ACADL: variants seen among roughly 807,000 people sequenced by gnomAD.
ACADL encodes long-chain specific acyl-CoA dehydrogenase, mitochondrial.
ACADL carries 60 observed loss-of-function variants against 56.9 expected under a neutral mutation model. The observed-to-expected ratio is 1.05, with a 90% CI of 0.86 to 1.31. ACADL has a LOEUF of 1.31. Among genes scored for constraint, ACADL ranks in the 50% most tolerant of loss-of-function variants. ACADL has a pLI of 0.00. For synonymous variants in ACADL, 158 were observed against 179.7 expected, an observed-to-expected ratio of 0.88 and a Z score of 0.97; for missense variants, 484 against 525.5, an observed-to-expected ratio of 0.92 and a Z score of 0.77.
chr2:210,222,908 C>T (rs1170428644), intron 1 of ACADL, among the ~76,000 whole-genome samples: 4 of 152,106 alleles, frequency 2.6e-5, no homozygotes, highest in Admixed American at 2.0e-4. Flanking sequence ...TTATAAAGCA[C>T]GTATTTGTCC....
Position 210,225,078 on chromosome 2 carries a change from T to A in ACADL, c.77+109A>T, listed in dbSNP as rs1463691914. On this transcript the variant is annotated intron_variant, in intron 1 of 10. Coordinates refer to ENST00000233710, the MANE Select transcript of ACADL (RefSeq NM_001608.4). ...GCCCGGCGCCGGAGTTGGGGAGCACTCCCAGCCGCGCGCGCACCGCCCTGC... is the reference window on the plus strand; with the variant it reads ...GCCCGGCGCCGGAGTTGGGGAGCACACCCAGCCGCGCGCGCACCGCCCTGC... 2.0e-6 allele frequency: 3 copies of A among 1,511,768 alleles called. No homozygotes were observed. The East Asian group carries it at 7.8e-5, about 39-fold the overall frequency. 93.6% of individuals were successfully genotyped at this position (1,511,768 alleles called of 1,614,324 possible). A position where few individuals can be genotyped will look rare whatever the true frequency, so the allele number is the denominator to read the frequency against.
In ACADL at chr2:210,217,980, A is replaced by G. The variant is rs1689114668; in HGVS notation, c.356T>C (p.Ile119Thr). The G allele has an allele frequency of 1.2e-6, 2 of 1,614,056 alleles. No individual in the cohort carries two copies. The highest frequency in any genetic ancestry group is 2.2e-5 in the South Asian group (2 of 91,074). The change falls in exon 3 of 11, where the codon ATT becomes ACT. Residue 119 changes from isoleucine to threonine, a missense_variant. Coordinates refer to ENST00000233710, the MANE Select transcript of ACADL (RefSeq NM_001608.4). Reference sequence around the variant, plus strand: ...CCATACTTACTGCTCCTCCCAGACAATAGCTGCGGAGTACAGATCCCCTCC... The same window carrying G: ...CCATACTTACTGCTCCTCCCAGACAGTAGCTGCGGAGTACAGATCCCCTCC... ...GIGGDLYSAA[I>T]VWEEQAYSNC...
rs1688855205 is a variant in ACADL at position 210,204,673 on chromosome 2, C to T, written c.778G>A (p.Glu260Lys). The change falls in exon 7 of 11, where the codon GAA becomes AAA. Residue 260 changes from glutamate (E) to lysine (K), a missense_variant. Physicochemically the swap from Glu to Lys is moderately conservative, Grantham distance 56 (BLOSUM62 1). Coordinates refer to ENST00000233710, the MANE Select transcript of ACADL (RefSeq NM_001608.4). ...KMGLKAQDTA[E>K]LFFEDIRLPA... ...AACCGTATATCTTCAAAGAATAGTT[C>T]TGCGGTATCCTAAGAGACCATACAA... 2 of 1,607,514 alleles carry T rather than the reference C, an allele frequency of 1.2e-6. No individual in the cohort carries two copies. Among genetic ancestry groups the T allele is most frequent in the African/African-American group, 2.7e-5 (2 of 74,866 alleles).
At chr2:210,222,308 G>A (rs1689187820) in intron 1 of ACADL, among the ~76,000 whole-genome samples, 1 of 152,032 alleles carries the variant, frequency 6.6e-6, no homozygotes, top group South Asian at 2.1e-4. Context: ...GAAAAGTAGA[G>A]AAGGGATCAG....
chr2:210,199,810 T>G (rs1422493866), intron 8 of ACADL, among the ~76,000 whole-genome samples: 1 of 152,076 alleles, frequency 6.6e-6, no homozygotes, highest in Non-Finnish European at 1.5e-5. Flanking sequence ...AATAGTGAGA[T>G]CTCAGCTCAC....
chr2:210,218,428 C>A, intron 2 of ACADL: 1 of 276,064 alleles, frequency 3.6e-6, no homozygotes, highest in Non-Finnish European at 6.9e-6. Flanking sequence ...CTTCAGGTAC[C>A]TGCCACAAGG....
At chr2:210,222,066 A>AT (rs540011112) in intron 1 of ACADL, among the ~76,000 whole-genome samples, 8 of 151,748 alleles carry the variant, frequency 5.3e-5, no homozygotes, top group Non-Finnish European at 7.4e-5. Flanking sequence ...CCTAAGTATC[A>AT]TTTTTTTTGT....
chr2:210,216,374 A>G lies in ACADL; in HGVS notation c.509T>C (p.Ile170Thr). 3.1e-6 allele frequency: 5 copies of G among 1,613,808 alleles called. No individual in the cohort carries two copies. The highest frequency in any genetic ancestry group is 2.2e-5 in the East Asian group (1 of 44,848). The part of the protein sequence containing the change: ...QMTAGKCIGA[I>T]AMTEPGAGSD... ...TCCAGCTCCAGGCTCTGTCATTGCT[A>G]TTGCACCAATACATTTGCCTGCAGT... Residue 170 changes from isoleucine to threonine, a missense_variant, in exon 4 of 11, where the codon ATA (isoleucine) becomes ACA (threonine). Physicochemically the swap from Ile to Thr is moderately conservative, Grantham distance 89. Transcript: ENST00000233710.
At chr2:210,215,202 C>T (rs1025909599) in intron 4 of ACADL, among the ~76,000 whole-genome samples, 5 of 152,146 alleles carry the variant, frequency 3.3e-5, no homozygotes, top group Admixed American at 3.3e-4. Flanking sequence ...ACCACTGCCC[C>T]CTCTCTACAT....
intron 1 of ACADL, among the ~76,000 whole-genome samples, chr2:210,223,352 GT>G (rs1293757515): frequency 1.3e-5 from 2 of 152,162 alleles, no homozygotes; most frequent in East Asian, 1.9e-4. Context: ...GGCTATTATT[GT>G]TTTTTTAAAG....
In ACADL at chr2:210,224,675, T is replaced by C. The variant is rs1185181958; in HGVS notation, c.77+512A>G. On this transcript the variant is annotated intron_variant, in intron 1 of 10. Coordinates refer to ENST00000233710, the MANE Select transcript of ACADL (RefSeq NM_001608.4). Reference sequence around the variant, plus strand: ...AGGTCATTTCTAGCCCAGTTTGTCCTGGACAATTCTGGTCCGCGCCGCAGC... The same window carrying C: ...AGGTCATTTCTAGCCCAGTTTGTCCCGGACAATTCTGGTCCGCGCCGCAGC... The C allele has an allele frequency of 3.0e-6, 3 of 986,102 alleles. No homozygotes were observed. The African/African-American group carries it at 5.2e-5, about 17-fold the overall frequency. 61.1% of individuals were successfully genotyped at this position (986,102 alleles called of 1,614,324 possible). A position where few individuals can be genotyped will look rare whatever the true frequency, so the allele number is the denominator to read the frequency against.
At chr2:210,196,056 T>C (rs560308466) in intron 8 of ACADL, among the ~76,000 whole-genome samples, 1 of 152,244 alleles carries the variant, frequency 6.6e-6, no homozygotes, top group East Asian at 1.9e-4. Flanking sequence ...TGGTGGGAGA[T>C]AATTGAATCA....
At chr2:210,212,723 T>C (rs1285545712) in intron 4 of ACADL, among the ~76,000 whole-genome samples, 2 of 152,262 alleles carry the variant, frequency 1.3e-5, no homozygotes, top group African/African-American at 2.4e-5. Flanking sequence ...CTCAAGTTTT[T>C]TGAGAACATG....
chr2:210,218,170 C>T (rs1689119879), intron 2 of ACADL, 68 bp from the exon 3 acceptor site: 6 of 1,421,460 alleles, frequency 4.2e-6, no homozygotes, highest in Non-Finnish European at 5.8e-6. Context: ...CAACTTTGAA[C>T]TTATGAATGA....
intron 4 of ACADL, among the ~76,000 whole-genome samples, chr2:210,213,456 C>T (rs534366612): frequency 5.3e-4 from 80 of 151,686 alleles, no homozygotes; most frequent in African/African-American, 1.6e-3. Context: ...GCCGAGATCG[C>T]GCCATTGCAC....
intron 5 of ACADL, among the ~76,000 whole-genome samples, chr2:210,206,264 C>CA (rs1688886961): frequency 6.6e-6 from 1 of 151,580 alleles, no homozygotes; most frequent in Non-Finnish European, 1.5e-5. Context: ...ATAGTAGAGA[C>CA]AAAAAAATTA....
intron 4 of ACADL, among the ~76,000 whole-genome samples, chr2:210,213,785 A>G (rs1689028240): frequency 6.6e-6 from 1 of 152,182 alleles, no homozygotes; most frequent in African/African-American, 2.4e-5. Context: ...AATTTGCTCT[A>G]TGAACTTGGT....
intron 5 of ACADL, among the ~76,000 whole-genome samples, chr2:210,207,956 C>T (rs1688915763): frequency 6.6e-6 from 1 of 152,088 alleles, no homozygotes; most frequent in African/African-American, 2.4e-5. Flanking sequence ...AAAGATGTTC[C>T]TCAAAAAAAT....
At chr2:210,198,910 T>A (rs1363636745) in intron 8 of ACADL, among the ~76,000 whole-genome samples, 1 of 152,122 alleles carries the variant, frequency 6.6e-6, no homozygotes, top group African/African-American at 2.4e-5. Context: ...GCATAGATTT[T>A]AAAAATCCTA....
Sources: allele counts gnomAD v4.1 joint callset (sites outside exome capture counted in the v4.1 genomes callset), GRCh38; gene constraint gnomAD v4.1.1; transcripts MANE v1.5; gene names NCBI Gene and HGNC (gene_info 2026-07-23, HGNC 2026-07-21).